Variants in PIK3CD observed in about 807,000 individuals in gnomAD.
PIK3CD encodes the protein phosphatidylinositol-4,5-bisphosphate 3-kinase catalytic subunit delta.
In PIK3CD, 20 loss-of-function variants were observed where a neutral mutation model predicts 122.9. The ratio of observed to expected loss-of-function variants is 0.16; its 90% confidence interval spans 0.11 to 0.24. The LOEUF is 0.24. PIK3CD is among the 10% of genes least tolerant of loss of function. The pLI is 1.00. For missense variants in PIK3CD, 787 were observed against 1,406.3 expected (o/e 0.56, Z 7.04); for synonymous variants, 596 against 593.4 (o/e 1.00, Z -0.06).
chr1:9,724,977 C>T lies in PIK3CD; in HGVS notation c.2997+41C>T. ...GAGACTGCTGTCGCCAGTGGACTTC[C>T]AAGGCCTGCCCCCGAGCAATGTGAC... On this transcript the variant is annotated intron_variant, in intron 23 of 23. Transcript: ENST00000377346. This position sits in a 1 kb window ranked among gnomAD's most constrained non-coding sequence, Gnocchi z 7.3. The T allele has an allele frequency of 6.2e-7, 1 of 1,611,172 alleles. No individual in the cohort carries two copies. Among genetic ancestry groups the T allele is most frequent in the Non-Finnish European group, 8.5e-7 (1 of 1,179,322 alleles).
chr1:9,666,541 G>T (rs1645166328), intron 1 of PIK3CD, among the ~76,000 whole-genome samples: 1 of 149,628 alleles, frequency 6.7e-6, no homozygotes, highest in Non-Finnish European at 1.5e-5. Flanking sequence ...CGTATTCAAA[G>T]ATTTTCTGAT....
In PIK3CD at chr1:9,688,954, C is replaced by T. The variant is rs188993642; in HGVS notation, c.-137-2513C>T. On this transcript the variant is annotated intron_variant, in intron 1 of 23. Transcript: ENST00000377346. ...TGCATTAGTGAAAGTGCTAGGTACACTCATTTATTTTCTAAATCTCACATA... is the reference window on the plus strand; with the variant it reads ...TGCATTAGTGAAAGTGCTAGGTACATTCATTTATTTTCTAAATCTCACATA... 5.3e-3 allele frequency among the ~76,000 whole-genome samples: 806 copies of T among 152,256 alleles called. 2 individuals carry two copies. Among genetic ancestry groups the T allele is most frequent in the Non-Finnish European group, 9.2e-3 (629 of 68,020 alleles).
chr1:9,688,807 A>C (rs762511865), intron 1 of PIK3CD, among the ~76,000 whole-genome samples: 2 of 151,928 alleles, frequency 1.3e-5, no homozygotes, highest in Non-Finnish European at 2.9e-5. Flanking sequence ...CAGCCAGGGC[A>C]ACAGAGCAAG....
In PIK3CD at chr1:9,719,808, G is replaced by A. The variant is rs1365257486; in HGVS notation, c.1243-113G>A. 6.9e-6 allele frequency: 6 copies of A among 868,674 alleles called. No homozygotes were observed. The highest frequency in any genetic ancestry group is 1.2e-5 in the Non-Finnish European group (6 of 503,610). 53.8% of individuals were successfully genotyped at this position (868,674 alleles called of 1,614,324 possible). A position where few individuals can be genotyped will look rare whatever the true frequency, so the allele number is the denominator to read the frequency against. On this transcript the variant is annotated intron_variant, in intron 9 of 23. Transcript: ENST00000377346. The surrounding 1 kb of genome is among the most constrained non-coding windows in gnomAD (Gnocchi z 5.5). ...GCAGGGTCTCCCAGGGGTCTGGTTGGGAGATGTTAGCTGGGCTCTGGGTCT... is the reference window on the plus strand; with the variant it reads ...GCAGGGTCTCCCAGGGGTCTGGTTGAGAGATGTTAGCTGGGCTCTGGGTCT...
intron 1 of PIK3CD, among the ~76,000 whole-genome samples, chr1:9,655,624 C>T (rs1353536902): frequency 6.6e-6 from 1 of 151,924 alleles, no homozygotes; most frequent in East Asian, 1.9e-4. Context: ...AAGTCACAAC[C>T]TTACCACCTC....
intron 1 of PIK3CD, among the ~76,000 whole-genome samples, chr1:9,666,897 G>C (rs1486644465): frequency 6.7e-6 from 1 of 148,414 alleles, no homozygotes; most frequent in Admixed American, 6.8e-5. Context: ...ATGGAGTCTC[G>C]CTCTGTTGCC....
At chr1:9,665,134 G>A (rs1645119827) in intron 1 of PIK3CD, among the ~76,000 whole-genome samples, 2 of 148,556 alleles carry the variant, frequency 1.3e-5, no homozygotes, top group Admixed American at 1.4e-4. Context: ...AGCCCTGGAG[G>A]TCAAGGCTGC....
Position 9,723,912 on chromosome 1 carries a change from C to G in PIK3CD, c.2595-57C>G, listed in dbSNP as rs1378076229. ...GGGGAGAGGGAGTAATAACCCACCT[C>G]TTGATAGGCGGAGCTGCAAAATGGT... On this transcript the variant is annotated intron_variant, in intron 20 of 23. Coordinates refer to ENST00000377346, the MANE Select transcript of PIK3CD (RefSeq NM_005026.5). This position sits in a 1 kb window ranked among gnomAD's most constrained non-coding sequence, Gnocchi z 4.9. 2 of 1,553,412 alleles carry G rather than the reference C, an allele frequency of 1.3e-6. No homozygotes were observed. The highest frequency in any genetic ancestry group is 2.7e-5 in the African/African-American group (2 of 73,720).
At chr1:9,702,589 C>T (rs1325570728) in intron 2 of PIK3CD, among the ~76,000 whole-genome samples, 3 of 133,628 alleles carry the variant, frequency 2.2e-5, no homozygotes, top group East Asian at 4.3e-4. Context: ...GGCGCCATCT[C>T]GGCCCACTGC....
intron 1 of PIK3CD, chr1:9,654,056 G>C: frequency 1.6e-6 from 2 of 1,223,684 alleles, no homozygotes; most frequent in Non-Finnish European, 1.1e-6. Flanking sequence ...GGGTGACAGA[G>C]CAAGAGCCCA....
At chr1:9,669,098 T>A (rs1645246471) in intron 1 of PIK3CD, among the ~76,000 whole-genome samples, 1 of 152,202 alleles carries the variant, frequency 6.6e-6, no homozygotes, top group Admixed American at 6.6e-5. Context: ...GGGGACAGAA[T>A]CTGGGGCTTT....
chr1:9,722,127 C>G lies in PIK3CD; in HGVS notation c.2208C>G (p.Asp736Glu), dbSNP rs1557672296. 6.2e-7 allele frequency: 1 copy of G among 1,613,240 alleles called. No homozygotes were observed. The highest frequency in any genetic ancestry group is 1.1e-5 in the South Asian group (1 of 91,082). ...TCTCCCACCTGCAGTCCCCACTCGA[C>G]CCCAGCACCCTGCTGGCTGAAGTCT... is the stretch of plus-strand genomic sequence containing the variant. ...EALSHLQSPL[D>E]PSTLLAEVCV... Residue 736 changes from aspartate (D) to glutamate (E), a missense_variant, in exon 17 of 24, where the codon GAC becomes GAG. Physicochemically the swap from Asp to Glu is conservative, Grantham distance 45. This residue lies in a region of PIK3CD where 48 missense variants were observed against 71.9 expected (regional missense o/e 0.67). Transcript: ENST00000377346. The surrounding 1 kb of genome is among the most constrained non-coding windows in gnomAD (Gnocchi z 7.6).
At chr1:9,645,015 CTTTTCTTTTCT>C in the PIK3CD span, among the ~76,000 whole-genome samples, 5 of 105,406 alleles carry the variant, frequency 4.7e-5, no homozygotes, top group East Asian at 1.3e-3. Context: ...CTTTTCTTTT[CTTTTCTTTTCT>C]TTTTTTTTTT....
chr1:9,667,831 G>A (rs887782823), intron 1 of PIK3CD, among the ~76,000 whole-genome samples: 4 of 149,986 alleles, frequency 2.7e-5, no homozygotes, highest in African/African-American at 9.8e-5. Context: ...CGACCTCCTG[G>A]GCTCAAGTGA....
chr1:9,690,227 C>T (rs1203376529), intron 1 of PIK3CD, among the ~76,000 whole-genome samples: 2 of 152,212 alleles, frequency 1.3e-5, no homozygotes, highest in Admixed American at 1.3e-4. Flanking sequence ...TCCTGAGGTC[C>T]TGCGGCTTCC....
the PIK3CD span, among the ~76,000 whole-genome samples, chr1:9,640,027 C>G: frequency 6.6e-3 from 1,006 of 152,016 alleles, 11 homozygotes; most frequent in African/African-American, 0.023. Context: ...CAGGTGGGAG[C>G]CACCGTGCCC....
At chr1:9,682,092 T>C (rs1204437978) in intron 1 of PIK3CD, among the ~76,000 whole-genome samples, 3 of 151,520 alleles carry the variant, frequency 2.0e-5, no homozygotes, top group African/African-American at 7.3e-5. Flanking sequence ...CTGGCTAATT[T>C]TTGTATTTTT....
chr1:9,656,275 A>G (rs1367079519), intron 1 of PIK3CD, among the ~76,000 whole-genome samples: 2 of 152,110 alleles, frequency 1.3e-5, no homozygotes, highest in African/African-American at 4.8e-5. Flanking sequence ...TGGAGTTTGG[A>G]TTTTGGAATA....
chr1:9,721,736 G>T, intron 15 of PIK3CD, 25 bp from the exon 16 acceptor site: 1 of 1,610,994 alleles, frequency 6.2e-7, no homozygotes, highest in South Asian at 1.1e-5. Context: ...GCCTGGTGAG[G>T]CTCAGCCCTC....
Sources: gnomAD v4.1 joint callset for allele counts (sites outside exome capture counted in the v4.1 genomes callset) on GRCh38, gnomAD v4.1.1 for gene constraint, gnomAD v4.1.1 regional missense constraint, Gnocchi (gnomAD v3.1) non-coding constraint, MANE v1.5 for transcripts, NCBI Gene and HGNC (gene_info 2026-07-23, HGNC 2026-07-21) for gene names.